Variants in TET2 observed in about 807,000 individuals in gnomAD.
The protein encoded by TET2 is methylcytosine dioxygenase TET2.
A neutral mutation model predicts 142.9 loss-of-function variants in TET2; 299 were observed. The ratio of observed to expected loss-of-function variants is 2.09; its 90% CI spans 1.90 to 2.30. The LOEUF is 2.30. TET2 is among the 30% of genes most tolerant of loss of function. The pLI is 0.00. For synonymous variants in TET2, 819 were observed against 849.0 expected (o/e 0.96, Z 0.61); for missense variants, 2,418 against 2,378.0 (o/e 1.02, Z -0.35).
chr4:105,223,975 A>G (rs1728016902), intron 2 of TET2, among the ~76,000 whole-genome samples: 1 of 152,128 alleles, frequency 6.6e-6, no homozygotes, highest in African/African-American at 2.4e-5. Flanking sequence ...AGAGTAATTT[A>G]TATATACTTG....
intron 2 of TET2, among the ~76,000 whole-genome samples, chr4:105,204,647 A>G (rs1056651833): frequency 2.2e-4 from 34 of 152,300 alleles, no homozygotes; most frequent in Admixed American, 2.2e-3. Flanking sequence ...GAATATTTTC[A>G]ATAGGTATAA....
chr4:105,235,851 G>A lies in TET2; in HGVS notation c.1909G>A (p.Glu637Lys), dbSNP rs1728842650. 1.2e-6 allele frequency: 2 copies of A among 1,613,856 alleles called. No individual in the cohort carries two copies. Among genetic ancestry groups the A allele is most frequent in the Admixed American group, 1.7e-5 (1 of 59,934 alleles). Reference sequence around the variant, plus strand: ...GCACAAGTCACAAATGTACCAAGTTGAAATGAATCAAGGGCAGTCCCAAGG... The same window carrying A: ...GCACAAGTCACAAATGTACCAAGTTAAAATGAATCAAGGGCAGTCCCAAGG... ...LEHKSQMYQV[E>K]MNQGQSQGTV... The change falls in exon 3 of 11, where the codon GAA (glutamate) becomes AAA (lysine). Residue 637 changes from glutamate (E) to lysine (K), a missense_variant. Physicochemically the swap from Glu to Lys is moderately conservative, Grantham distance 56 (BLOSUM62 1). Coordinates refer to ENST00000380013, the MANE Select transcript of TET2 (RefSeq NM_001127208.3).
Position 105,279,204 on chromosome 4 carries a change from G to C in TET2, c.*2685G>C, listed in dbSNP as rs947028277. 8.6e-6 allele frequency: 2 copies of C among 232,196 alleles called. No individual in the cohort carries two copies. Among genetic ancestry groups the C allele is most frequent in the African/African-American group, 4.4e-5 (2 of 45,278 alleles). 14.4% of individuals were successfully genotyped at this position (232,196 alleles called of 1,614,324 possible). ...TTACTACATGTGCATTGGTGATTTT[G>C]ATCATCCATTCTTAATATTTGATTT... On this transcript the variant is annotated 3_prime_UTR_variant, in exon 11 of 11. Coordinates refer to ENST00000380013, the MANE Select transcript of TET2 (RefSeq NM_001127208.3).
At chr4:105,148,679 A>G (rs1262569595) in intron 1 of TET2, among the ~76,000 whole-genome samples, 1 of 152,198 alleles carries the variant, frequency 6.6e-6, no homozygotes, top group Non-Finnish European at 1.5e-5. Context: ...ACATGTTTGT[A>G]TGTGTGCTTA....
intron 6 of TET2, among the ~76,000 whole-genome samples, chr4:105,251,827 C>A (rs141774358): frequency 0.013 from 1,965 of 152,238 alleles, 20 homozygotes; most frequent in Non-Finnish European, 0.02. Flanking sequence ...TGAGGAAATT[C>A]TCTACCCCTG....
Position 105,275,276 on chromosome 4 carries a change from A to G in TET2, c.4766A>G (p.Tyr1589Cys), listed in dbSNP as rs368705448. 40 of 1,552,174 alleles carry G rather than the reference A, an allele frequency of 2.6e-5. No individual in the cohort carries two copies. The African/African-American group carries it at 4.2e-4, about 16-fold the overall frequency. ...YPNSSHTSDI[Y>C]GSTSPMNFYS... ...AACTCTTCACACACTTCAGATATCTATGGAAGCACCAGCCCTATGAACTTC... is the reference window on the plus strand; with the variant it reads ...AACTCTTCACACACTTCAGATATCTGTGGAAGCACCAGCCCTATGAACTTC... Residue 1589 changes from tyrosine (Y) to cysteine (C), a missense_variant, in exon 11 of 11, where the codon TAT becomes TGT. Tyr to Cys is a radical substitution (Grantham distance 194). Coordinates refer to ENST00000380013, the MANE Select transcript of TET2 (RefSeq NM_001127208.3).
chr4:105,239,204 T>TA, intron 3 of TET2: 1 of 242,218 alleles, frequency 4.1e-6, no homozygotes, highest in Non-Finnish European at 8.7e-6. Context: ...AGGGTACACT[T>TA]AGCATAATTC....
chr4:105,209,892 G>A (rs889871264), intron 2 of TET2, among the ~76,000 whole-genome samples: 3 of 152,176 alleles, frequency 2.0e-5, no homozygotes, highest in Middle Eastern at 3.4e-3. Context: ...AGGCTGTTGC[G>A]GTTATCCAGC....
At position 105,276,487 on chromosome 4, in the gene TET2, C is replaced by T. The variant is rs373501577; in HGVS notation, c.5977C>T (p.Arg1993Trp). 3.4e-5 allele frequency: 52 copies of T among 1,551,522 alleles called. No individual in the cohort carries two copies. In the South Asian group the frequency reaches 3.8e-4, roughly 11 times the overall value. The change falls in exon 11 of 11, where the codon CGG becomes TGG. Residue 1993 changes from arginine to tryptophan, a missense_variant. Arg to Trp is a moderately radical substitution (Grantham distance 101, BLOSUM62 -3). Transcript: ENST00000380013. ...AACTACATCTCCATATGCCTTCACTCGGGTCACAGGGCCTTACAACAGATA... is the reference window on the plus strand; with the variant it reads ...AACTACATCTCCATATGCCTTCACTTGGGTCACAGGGCCTTACAACAGATA... ...TVTTSPYAFT[R>W]VTGPYNRYI
At chr4:105,244,524 G>C (rs1304746805) in intron 6 of TET2, among the ~76,000 whole-genome samples, 1 of 147,936 alleles carries the variant, frequency 6.8e-6, no homozygotes, top group Non-Finnish European at 1.5e-5. Context: ...TTCCTCTACT[G>C]TGCTGATAAT....
chr4:105,200,383 T>C (rs1726381159), intron 2 of TET2, among the ~76,000 whole-genome samples: 1 of 151,634 alleles, frequency 6.6e-6, no homozygotes, highest in African/African-American at 2.4e-5. Context: ...ACTTTTTCAA[T>C]GGGGATGTTT....
Position 105,277,291 on chromosome 4 carries a change from C to T in TET2, c.*772C>T, listed in dbSNP as rs1251980516. On this transcript the variant is annotated 3_prime_UTR_variant, in exon 11 of 11. Coordinates refer to ENST00000380013, the MANE Select transcript of TET2 (RefSeq NM_001127208.3). ...TTTTAAAATGTGGACATTTTAAAGG[C>T]CTCTGGATTTTGCTCATCCAGTGAA... 1.3e-5 allele frequency: 3 copies of T among 226,176 alleles called. No individual in the cohort carries two copies. Among genetic ancestry groups the T allele is most frequent in the African/African-American group, 2.2e-5 (1 of 44,986 alleles). 14.0% of individuals were successfully genotyped at this position (226,176 alleles called of 1,614,324 possible).
At chr4:105,196,483 C>G (rs985480233) in intron 2 of TET2, among the ~76,000 whole-genome samples, 6 of 152,168 alleles carry the variant, frequency 3.9e-5, no homozygotes, top group Non-Finnish European at 7.3e-5. Context: ...AACCATCAGC[C>G]TACAGAAAGT....
At chr4:105,204,337 A>G (rs1241689470) in intron 2 of TET2, among the ~76,000 whole-genome samples, 2 of 151,832 alleles carry the variant, frequency 1.3e-5, no homozygotes, top group South Asian at 2.1e-4. Flanking sequence ...CTCTTCCTCA[A>G]GGACAAGAAT....
intron 6 of TET2, among the ~76,000 whole-genome samples, chr4:105,252,108 A>G (rs558827176): frequency 1.3e-5 from 2 of 152,294 alleles, no homozygotes; most frequent in East Asian, 1.9e-4. Flanking sequence ...TCCATGTTTA[A>G]TGATACTCAT....
chr4:105,204,298 A>G (rs1030252475), intron 2 of TET2, among the ~76,000 whole-genome samples: 2 of 150,946 alleles, frequency 1.3e-5, no homozygotes, highest in African/African-American at 2.4e-5. Flanking sequence ...AACTAATTAC[A>G]TTGTTTTCTT....
chr4:105,219,620 C>T (rs1404658711), intron 2 of TET2, among the ~76,000 whole-genome samples: 3 of 152,038 alleles, frequency 2.0e-5, no homozygotes, highest in African/African-American at 7.2e-5. Context: ...TTAATTTCTA[C>T]CTTTTGATAG....
intron 2 of TET2, among the ~76,000 whole-genome samples, chr4:105,209,810 G>C (rs1158407648): frequency 6.6e-6 from 1 of 152,150 alleles, no homozygotes; most frequent in East Asian, 1.9e-4. Flanking sequence ...GGAAGAGATG[G>C]TGTTCAGCAT....
chr4:105,221,478 T>C (rs1727814500), intron 2 of TET2, among the ~76,000 whole-genome samples: 1 of 152,138 alleles, frequency 6.6e-6, no homozygotes. Flanking sequence ...TATACTGCCA[T>C]TTTAAGAAAC....
Sources: allele counts gnomAD v4.1 joint callset (sites outside exome capture counted in the v4.1 genomes callset), GRCh38; gene constraint gnomAD v4.1.1; transcripts MANE v1.5; gene names NCBI Gene and HGNC (gene_info 2026-07-23, HGNC 2026-07-21).